ZNF469: variants seen among roughly 807,000 people sequenced by gnomAD.
ZNF469 encodes the protein zinc finger protein 469.
Under a neutral mutation model 1.0 loss-of-function variants are expected in ZNF469, and 1 was observed. The observed-to-expected ratio is 1.00, with a 90% CI of 0.35 to 4.73. The LOEUF (loss-of-function observed/expected upper bound fraction) is 4.73. Ranked by LOEUF, ZNF469 falls within the 30% of genes most tolerant of loss-of-function variation. The pLI is 0.16. For synonymous variants in ZNF469, 2,703 were observed against 2,363.4 expected (o/e 1.14, Z -4.17); for missense variants, 6,100 against 5,356.3 (o/e 1.14, Z -4.33).
intron 1 of ZNF469, among the ~76,000 whole-genome samples, chr16:88,417,685 C>T (rs563939136): frequency 5.3e-5 from 8 of 152,306 alleles, no homozygotes; most frequent in East Asian, 1.9e-4. Context: ...TGCTGGGCTC[C>T]GGTACAGCAT....
chr16:88,168,040 G>A, the ZNF469 span, among the ~76,000 whole-genome samples: 8 of 152,328 alleles, frequency 5.3e-5, no homozygotes, highest in African/African-American at 7.2e-5. The surrounding 1 kb of genome is among the most constrained non-coding windows in gnomAD (Gnocchi z 4.3). Context: ...CCCCATGGGC[G>A]TTTCCAGGGA....
chr16:88,184,011 G>A, the ZNF469 span, among the ~76,000 whole-genome samples: 1 of 152,000 alleles, frequency 6.6e-6, no homozygotes, highest in Non-Finnish European at 1.5e-5. Flanking sequence ...TACCGGGAAG[G>A]AGGAACGCAG....
the ZNF469 span, among the ~76,000 whole-genome samples, chr16:88,232,575 G>A: frequency 6.6e-6 from 1 of 152,238 alleles, no homozygotes; most frequent in Non-Finnish European, 1.5e-5. Context: ...CGCTGTCCTT[G>A]TTTTGAGAAG....
At chr16:88,162,047 A>G in the ZNF469 span, among the ~76,000 whole-genome samples, 3 of 152,200 alleles carry the variant, frequency 2.0e-5, no homozygotes, top group Non-Finnish European at 2.9e-5. Context: ...GATTTGTCCA[A>G]TTTTTTTGTT....
chr16:88,189,394 C>A, the ZNF469 span, among the ~76,000 whole-genome samples: 1 of 152,160 alleles, frequency 6.6e-6, no homozygotes, highest in Admixed American at 6.5e-5. This position sits in a 1 kb window ranked among gnomAD's most constrained non-coding sequence, Gnocchi z 4.3. Context: ...TTCTTCCCAG[C>A]TGGGGTCTCT....
Position 88,435,387 on chromosome 16 carries a change from A to C in ZNF469, c.7917A>C (p.Arg2639Ser), listed in dbSNP as rs1906497173. Residue 2639 changes from arginine to serine, a missense_variant, in exon 3 of 3, where the codon AGA (arginine) becomes AGC (serine). By Grantham distance (110) the Arg-to-Ser change is moderately radical (BLOSUM62 -1). Coordinates refer to ENST00000565624, the MANE Select transcript of ZNF469 (RefSeq NM_001367624.2). The part of the protein sequence containing the change: ...GKSNKKRGKL[R>S]GRRLREESIL... ...CAAATAAGAAAAGGGGAAAGCTGAG[A>C]GGGAGAAGGCTCCGGGAGGAGAGCA... The C allele has an allele frequency of 6.4e-7, 1 of 1,550,396 alleles. No homozygotes were observed. The highest frequency in any genetic ancestry group is 2.0e-5 in the Admixed American group (1 of 51,014).
chr16:88,283,771 G>A, the ZNF469 span, among the ~76,000 whole-genome samples: 59 of 151,894 alleles, frequency 3.9e-4, no homozygotes, highest in African/African-American at 1.3e-3. Flanking sequence ...GAGTCTGCCC[G>A]AGGTCTGCGG....
At chr16:88,126,061 T>C in the ZNF469 span, among the ~76,000 whole-genome samples, 1 of 151,604 alleles carries the variant, frequency 6.6e-6, no homozygotes. Context: ...TGGTGGTGGG[T>C]GCCTGTAATC....
Position 88,434,026 on chromosome 16 carries a change from G to A in ZNF469, c.6556G>A (p.Asp2186Asn). The change falls in exon 3 of 3, where the codon GAT becomes AAT. Residue 2186 changes from aspartate (D) to asparagine (N), a missense_variant. Asp to Asn is a conservative substitution (Grantham distance 23). Transcript: ENST00000565624. Reference protein sequence around the residue: ...EEADGVQATTDTGAEDSPVAP... With the variant: ...EEADGVQATTNTGAEDSPVAP... ...GGCAGATGGCGTCCAAGCCACGACA[G>A]ATACTGGGGCTGAGGATTCCCCGGT... 1 of 1,550,296 alleles carries A rather than the reference G, an allele frequency of 6.5e-7. No homozygotes were observed. Among genetic ancestry groups the A allele is most frequent in the Non-Finnish European group, 8.7e-7 (1 of 1,146,886 alleles).
the ZNF469 span, among the ~76,000 whole-genome samples, chr16:88,186,161 G>A: frequency 5.9e-5 from 9 of 152,208 alleles, no homozygotes; most frequent in East Asian, 1.2e-3. Flanking sequence ...CTGCGGGGGC[G>A]TCCACAAGGT....
At chr16:88,422,314 A>ATGAG in intron 1 of ZNF469, among the ~76,000 whole-genome samples, 1 of 134,894 alleles carries the variant, frequency 7.4e-6, no homozygotes, top group Non-Finnish European at 1.6e-5. Context: ...GGGTGGATAG[A>ATGAG]TGGGTGAGTG....
the ZNF469 span, among the ~76,000 whole-genome samples, chr16:88,185,806 C>G: frequency 6.6e-6 from 1 of 152,024 alleles, no homozygotes; most frequent in Non-Finnish European, 1.5e-5. Context: ...TACTCGCACA[C>G]ACACGCATAC....
At chr16:88,380,139 ACACT>A (rs71718497), upstream of ZNF469, among the ~76,000 whole-genome samples, 38,326 of 120,110 alleles carry the variant, frequency 0.32, 8,078 homozygotes, top group African/African-American at 0.65. Flanking sequence ...ACACAGACAC[ACACT>A]CACACACAAA....
the ZNF469 span, among the ~76,000 whole-genome samples, chr16:88,231,712 CG>C: frequency 2.0e-5 from 3 of 152,168 alleles, no homozygotes; most frequent in South Asian, 2.1e-4. The surrounding 1 kb of genome is among the most constrained non-coding windows in gnomAD (Gnocchi z 4.5). Flanking sequence ...GTGAGCCCCC[CG>C]CCTCCCTCTT....
At chr16:88,374,892 G>A in the ZNF469 span, among the ~76,000 whole-genome samples, 77 of 152,328 alleles carry the variant, frequency 5.1e-4, no homozygotes, top group Admixed American at 3.4e-3. Flanking sequence ...CTCACAGTTC[G>A]CAGCAGATGT....
the ZNF469 span, among the ~76,000 whole-genome samples, chr16:88,247,211 G>A: frequency 6.7e-6 from 1 of 148,920 alleles, no homozygotes; most frequent in Non-Finnish European, 1.5e-5. Flanking sequence ...AATGAGTGAG[G>A]GAATAAGTGA....
At chr16:88,403,025 C>T (rs1436620224) in intron 1 of ZNF469, among the ~76,000 whole-genome samples, 1 of 152,172 alleles carries the variant, frequency 6.6e-6, no homozygotes. Flanking sequence ...AGAGTGTGGA[C>T]GCGTGGGAGA....
the ZNF469 span, among the ~76,000 whole-genome samples, chr16:88,373,736 C>T: frequency 6.6e-6 from 1 of 152,162 alleles, no homozygotes; most frequent in Non-Finnish European, 1.5e-5. Context: ...GTGGCTCACG[C>T]CTATAATCCC....
the ZNF469 span, among the ~76,000 whole-genome samples, chr16:88,206,938 G>T: frequency 1.3e-3 from 1 of 792 alleles, no homozygotes; most frequent in African/African-American, 4.6e-3. Context: ...GGGAGGCCGC[G>T]GGGACGGAGG....
Sources: allele counts gnomAD v4.1 joint callset (sites outside exome capture counted in the v4.1 genomes callset), GRCh38; gene constraint gnomAD v4.1.1; non-coding constraint Gnocchi (gnomAD v3.1); transcripts MANE v1.5; gene names NCBI Gene and HGNC (gene_info 2026-07-23, HGNC 2026-07-21).